CHRM5: variants seen among roughly 807,000 people sequenced by gnomAD.
CHRM5 encodes cholinergic receptor muscarinic 5, also known as muscarinic acetylcholine receptor M5.
CHRM5 carries 18 observed loss-of-function variants against 39.0 expected under a neutral mutation model. The ratio of observed to expected loss-of-function variants is 0.46; its 90% CI spans 0.32 to 0.68. CHRM5 has a LOEUF of 0.68. CHRM5 is among the 30% of genes least tolerant of loss of function. The pLI is 0.04. For synonymous variants in CHRM5, 241 were observed against 246.3 expected (o/e 0.98, Z 0.20); for missense variants, 515 against 651.1 (o/e 0.79, Z 2.28).
chr15:34,066,125 G>C lies in CHRM5; in HGVS notation c.*1809G>C, dbSNP rs1258984647. Reference sequence around the variant, plus strand: ...TGACATGAAACATCTTGTAAGCAGTGCATCTGCTGAGCCTTTGTAAAGGGC... The same window carrying C: ...TGACATGAAACATCTTGTAAGCAGTCCATCTGCTGAGCCTTTGTAAAGGGC... On this transcript the variant is annotated 3_prime_UTR_variant, in exon 3 of 3. Transcript: ENST00000383263. 2 of 152,224 alleles carry C rather than the reference G, an allele frequency of 1.3e-5. No individual in the cohort carries two copies. The highest frequency in any genetic ancestry group is 4.1e-4 in the South Asian group (2 of 4,828). 9.4% of individuals were successfully genotyped at this position (152,224 alleles called of 1,614,324 possible).
intron 1 of CHRM5, among the ~76,000 whole-genome samples, chr15:34,028,928 C>A (rs1370238174): frequency 6.6e-6 from 1 of 151,988 alleles, no homozygotes; most frequent in Non-Finnish European, 1.5e-5. Context: ...GAAAGTAAGG[C>A]AAAAAGCAGA....
chr15:34,003,564 C>G (rs944645963), intron 1 of CHRM5, among the ~76,000 whole-genome samples: 1 of 152,168 alleles, frequency 6.6e-6, no homozygotes, highest in Non-Finnish European at 1.5e-5. Context: ...AATCAACTCT[C>G]CCTTTCAATT....
intron 1 of CHRM5, among the ~76,000 whole-genome samples, chr15:34,032,136 G>A (rs1019057782): frequency 6.6e-6 from 1 of 152,046 alleles, no homozygotes; most frequent in Non-Finnish European, 1.5e-5. Flanking sequence ...ATTACTATGT[G>A]TCACTATGGT....
chr15:34,043,293 C>T (rs1327703640), intron 1 of CHRM5, among the ~76,000 whole-genome samples: 3 of 150,922 alleles, frequency 2.0e-5, no homozygotes, highest in Admixed American at 1.3e-4. Flanking sequence ...CACTGTTTGA[C>T]GAAAAGTAGA....
intron 1 of CHRM5, among the ~76,000 whole-genome samples, chr15:33,995,872 C>T (rs764120490): frequency 1.3e-5 from 2 of 152,208 alleles, no homozygotes; most frequent in African/African-American, 4.8e-5. Context: ...TGAAGCGGGG[C>T]GGGGCGCTGC....
intron 1 of CHRM5, among the ~76,000 whole-genome samples, chr15:33,971,483 A>G (rs2140496334): frequency 6.6e-6 from 1 of 152,182 alleles, no homozygotes; most frequent in African/African-American, 2.4e-5. Context: ...AATGGCATCT[A>G]GGTCAAAATG....
intron 1 of CHRM5, among the ~76,000 whole-genome samples, chr15:33,980,324 C>CT (rs2140521787): frequency 1.3e-5 from 2 of 152,296 alleles, no homozygotes; most frequent in African/African-American, 4.8e-5. Context: ...AATCATCGCA[C>CT]TGGTAATGTC....
Position 33,989,004 on chromosome 15 carries a change from A to G in CHRM5, c.-408+19854A>G, listed in dbSNP as rs148447638. Among the ~76,000 whole-genome samples, 95 of 152,236 alleles carry G rather than the reference A, an allele frequency of 6.2e-4. 1 individual carries two copies. The East Asian group carries it at 0.017, about 27-fold the overall frequency. On this transcript the variant is annotated intron_variant, in intron 1 of 2. Coordinates refer to ENST00000383263, the MANE Select transcript of CHRM5 (RefSeq NM_012125.4). ...TACAGCTTGGAAAACACAAATTATT[A>G]AACCATTTCTCAGGCTTCTTTTGCT...
At chr15:34,037,904 A>G (rs933233134) in intron 1 of CHRM5, among the ~76,000 whole-genome samples, 8 of 152,202 alleles carry the variant, frequency 5.3e-5, no homozygotes, top group African/African-American at 1.9e-4. Context: ...ATCAGTGTGC[A>G]TAAGAATGCA....
chr15:34,008,467 A>G (rs1897468478), intron 1 of CHRM5, among the ~76,000 whole-genome samples: 2 of 149,208 alleles, frequency 1.3e-5, no homozygotes, highest in Non-Finnish European at 3.0e-5. Flanking sequence ...AAAACTTCCC[A>G]AAGTTGATGA....
chr15:33,986,955 C>T (rs536595787), intron 1 of CHRM5, among the ~76,000 whole-genome samples: 1 of 152,320 alleles, frequency 6.6e-6, no homozygotes, highest in African/African-American at 2.4e-5. Flanking sequence ...CCGCGCCCAG[C>T]CCAGGTTCTT....
intron 2 of CHRM5, among the ~76,000 whole-genome samples, chr15:34,053,627 T>C (rs1423774684): frequency 1.3e-5 from 2 of 152,042 alleles, no homozygotes; most frequent in Non-Finnish European, 2.9e-5. Flanking sequence ...GCTAGCTATA[T>C]GCAGAAAATT....
Position 34,046,786 on chromosome 15 carries a change from A to G in CHRM5, c.-161A>G. On this transcript the variant is annotated 5_prime_UTR_variant, in exon 2 of 3. Transcript: ENST00000383263. ...ATTGGGCAAACAACTTGACCCACAG[A>G]AAACAAAGAAAAGCAGGGTGGGGTG... is the stretch of plus-strand genomic sequence containing the variant. The G allele has an allele frequency of 6.6e-6, 1 of 152,550 alleles. No individual in the cohort carries two copies. Among genetic ancestry groups the G allele is most frequent in the Non-Finnish European group, 1.5e-5 (1 of 68,216 alleles). 9.4% of individuals were successfully genotyped at this position (152,550 alleles called of 1,614,324 possible).
At chr15:34,026,819 G>A (rs762430967) in intron 1 of CHRM5, among the ~76,000 whole-genome samples, 7 of 152,120 alleles carry the variant, frequency 4.6e-5, no homozygotes, top group Non-Finnish European at 5.9e-5. Context: ...CTTCCCCTGC[G>A]GTCTTTTGTT....
intron 2 of CHRM5, among the ~76,000 whole-genome samples, chr15:34,058,432 A>C (rs653404): frequency 0.96 from 146,688 of 152,202 alleles, 70,912 homozygotes; most frequent in East Asian, 1. Flanking sequence ...TTCCAAGTCA[A>C]CAAACCTAAA....
Position 34,031,166 on chromosome 15 carries a change from TAA to T in CHRM5, c.-407-15373_-407-15372del, listed in dbSNP as rs1898779952. ...TATCCCAATTATGCTTTGCTTAGGT[TAA>T]TTTTTTTTTTTTTTTTTTTTTTTGA... On this transcript the variant is annotated intron_variant, in intron 1 of 2. Coordinates refer to ENST00000383263, the MANE Select transcript of CHRM5 (RefSeq NM_012125.4). Among the ~76,000 whole-genome samples the T allele has an allele frequency of 3.1e-5, 3 of 97,814 alleles. 1 individual carries two copies. In the South Asian group the frequency reaches 1.2e-3, roughly 39 times the overall value. The allele number at this position is 97,814 out of a possible 152,430, so 64.2% of individuals were successfully genotyped here.
chr15:34,044,193 A>G (rs2140810967), intron 1 of CHRM5, among the ~76,000 whole-genome samples: 1 of 151,882 alleles, frequency 6.6e-6, no homozygotes, highest in South Asian at 2.1e-4. Flanking sequence ...AGAGTCATCT[A>G]TAGCACTGTC....
intron 1 of CHRM5, among the ~76,000 whole-genome samples, chr15:34,021,577 G>GTAAGGTGGCTAGCACTTACACATGGCCA (rs1898202680): frequency 6.6e-6 from 1 of 152,020 alleles, no homozygotes; most frequent in Non-Finnish European, 1.5e-5. Context: ...ACACATGGCC[G>GTAAGGTGGCTAGCACTTACACATGGCCA]TGTAAGGTGG....
Position 34,015,345 on chromosome 15 carries a change from C to T in CHRM5, c.-407-31195C>T, listed in dbSNP as rs190012659. Among the ~76,000 whole-genome samples, 1,036 of 151,906 alleles carry T rather than the reference C, an allele frequency of 6.8e-3. 5 individuals are homozygous for T. The highest frequency in any genetic ancestry group is 8.8e-3 in the Admixed American group (134 of 15,238). ...AAAAATACAAAAAATTAGCCAGGTGCGGTGGCGGGCACCTGTAGTCCAGCT... is the reference window on the plus strand; with the variant it reads ...AAAAATACAAAAAATTAGCCAGGTGTGGTGGCGGGCACCTGTAGTCCAGCT... On this transcript the variant is annotated intron_variant, in intron 1 of 2. Transcript: ENST00000383263.
Sources: gnomAD v4.1 joint callset for allele counts (sites outside exome capture counted in the v4.1 genomes callset) on GRCh38, gnomAD v4.1.1 for gene constraint, MANE v1.5 for transcripts, NCBI Gene and HGNC (gene_info 2026-07-23, HGNC 2026-07-21) for gene names.